LYN: variants seen among roughly 807,000 people sequenced by gnomAD.
LYN encodes LYN proto-oncogene, Src family tyrosine kinase.
A neutral mutation model predicts 65.0 loss-of-function variants in LYN; 12 were observed. The observed-to-expected ratio is 0.18, with a 90% CI of 0.12 to 0.30. The LOEUF is 0.30. Ranked by LOEUF, LYN falls within the 10% of genes least tolerant of loss-of-function variation. The pLI, the probability that LYN is intolerant of heterozygous loss-of-function variation, is 1.00. For missense variants in LYN, 380 were observed against 623.2 expected, an observed-to-expected ratio of 0.61 and a Z score of 4.16; for synonymous variants, 222 against 221.2, an observed-to-expected ratio of 1.00 and a Z score of -0.03.
In LYN at chr8:55,947,538, C is replaced by T. The variant is rs977194860; in HGVS notation, c.179-80C>T. 27 of 990,120 alleles carry T rather than the reference C, an allele frequency of 2.7e-5. No homozygotes were observed. In the East Asian group the frequency reaches 5.0e-4, roughly 18 times the overall value. The allele number at this position is 990,120 out of a possible 1,614,324, so 61.3% of individuals were successfully genotyped here. ...GTTGCCCCCTCTTAGTGCTTCCTCT[C>T]ATCCTTTGTGCCCCATGAGGTTTGT... On this transcript the variant is annotated intron_variant, in intron 3 of 12. Transcript: ENST00000519728.
Position 55,908,911 on chromosome 8 carries a change from ATAATTT to A in LYN, c.-6+28811_-6+28816del, listed in dbSNP as rs147377031. Among the ~76,000 whole-genome samples the A allele has an allele frequency of 6.4e-3, 968 of 150,866 alleles. 7 individuals are homozygous for A. Among genetic ancestry groups the A allele is most frequent in the Middle Eastern group, 0.024 (7 of 294 alleles). Reference sequence around the variant, plus strand: ...TTCCATCTATGTTGCTGCAAAATACATAATTTTATTCTTTTTTATGGCTGCAAAATA... The same window carrying A: ...TTCCATCTATGTTGCTGCAAAATACATATTCTTTTTTATGGCTGCAAAATA... On this transcript the variant is annotated intron_variant, in intron 1 of 12. Transcript: ENST00000519728.
At chr8:55,914,482 G>C (rs1316088169) in intron 1 of LYN, among the ~76,000 whole-genome samples, 3 of 152,076 alleles carry the variant, frequency 2.0e-5, no homozygotes, top group Admixed American at 1.3e-4. Flanking sequence ...AGCTCAGAGA[G>C]GCACTATGCA....
At chr8:55,982,326 G>T (rs908295978) in intron 10 of LYN, among the ~76,000 whole-genome samples, 1 of 151,808 alleles carries the variant, frequency 6.6e-6, no homozygotes, top group Non-Finnish European at 1.5e-5. Flanking sequence ...TTAATCCTCA[G>T]ATTTTTGAAT....
chr8:55,906,313 G>A (rs886075497), intron 1 of LYN, among the ~76,000 whole-genome samples: 12 of 151,650 alleles, frequency 7.9e-5, no homozygotes, highest in Non-Finnish European at 1.6e-4. Flanking sequence ...AGGATTGCTT[G>A]AGGCCAAGAA....
At chr8:56,009,003 T>A (rs1808746757) in intron 12 of LYN, among the ~76,000 whole-genome samples, 1 of 152,256 alleles carries the variant, frequency 6.6e-6, no homozygotes, top group African/African-American at 2.4e-5. Context: ...CCTAAGTTTT[T>A]AACTATTTGG....
intron 1 of LYN, among the ~76,000 whole-genome samples, chr8:55,935,779 CAAAAAAAAA>C (rs59848254): frequency 1.1e-5 from 1 of 93,876 alleles, no homozygotes; most frequent in East Asian, 3.8e-4. Flanking sequence ...AGACTCCATC[CAAAAAAAAA>C]AAAAAAAAAA....
At chr8:55,953,793 A>G (rs779616892) in intron 7 of LYN, 39 bp from the exon 8 acceptor site, 1 of 1,605,052 alleles carries the variant, frequency 6.2e-7, no homozygotes, top group South Asian at 1.1e-5. Flanking sequence ...AGTACAAAGT[A>G]TTGCATTTCT....
chr8:55,899,523 A>G (rs76429184), intron 1 of LYN, among the ~76,000 whole-genome samples: 5,964 of 152,346 alleles, frequency 0.039, 369 homozygotes, highest in African/African-American at 0.13. Context: ...TATAATGCAG[A>G]GAACATTTAT....
intron 7 of LYN, 50 bp downstream of exon 7, chr8:55,952,165 T>C: frequency 6.9e-7 from 1 of 1,451,604 alleles, no homozygotes; most frequent in Non-Finnish European, 9.3e-7. Flanking sequence ...TGTTATGATA[T>C]GTATAAGACG....
intron 9 of LYN, among the ~76,000 whole-genome samples, chr8:55,968,936 C>A (rs1174680537): frequency 1.4e-5 from 2 of 139,484 alleles, no homozygotes; most frequent in Non-Finnish European, 3.2e-5. Flanking sequence ...CAGCAGCACA[C>A]TCCTTCTTAG....
chr8:55,915,248 T>A (rs1250200717), intron 1 of LYN, among the ~76,000 whole-genome samples: 1 of 152,232 alleles, frequency 6.6e-6, no homozygotes, highest in Non-Finnish European at 1.5e-5. Context: ...CTTTGCCTGA[T>A]GTCTTGTGAA....
At chr8:55,898,871 C>G (rs1166199266) in intron 1 of LYN, among the ~76,000 whole-genome samples, 3 of 152,132 alleles carry the variant, frequency 2.0e-5, no homozygotes, top group African/African-American at 7.2e-5. Context: ...GCTCTGATGC[C>G]TGGAGTGCAG....
At chr8:55,988,480 A>G (rs1808147168) in intron 10 of LYN, among the ~76,000 whole-genome samples, 1 of 152,108 alleles carries the variant, frequency 6.6e-6, no homozygotes, top group South Asian at 2.1e-4. Context: ...ACTTATTAAT[A>G]TTGTTATTTT....
chr8:56,010,525 G>A lies in LYN; in HGVS notation c.*415G>A, dbSNP rs1029110737. The A allele has an allele frequency of 1.3e-4, 32 of 250,878 alleles. No individual in the cohort carries two copies. In the Admixed American group the frequency reaches 1.5e-3, roughly 12 times the overall value. The allele number at this position is 250,878 out of a possible 1,614,324, so 15.5% of individuals were successfully genotyped here. Reference sequence around the variant, plus strand: ...ACTCATTTATAAAGCTAAAATAACCGGATATATACATAGCATGACATTTCT... The same window carrying A: ...ACTCATTTATAAAGCTAAAATAACCAGATATATACATAGCATGACATTTCT... On this transcript the variant is annotated 3_prime_UTR_variant, in exon 13 of 13. Transcript: ENST00000519728.
At chr8:55,937,829 G>A (rs1311942752) in intron 1 of LYN, among the ~76,000 whole-genome samples, 1 of 152,120 alleles carries the variant, frequency 6.6e-6, no homozygotes, top group Non-Finnish European at 1.5e-5. Flanking sequence ...CTGAGAAGCT[G>A]GGACTACAGA....
At chr8:55,975,517 A>C (rs1585656980) in intron 10 of LYN, among the ~76,000 whole-genome samples, 1 of 152,242 alleles carries the variant, frequency 6.6e-6, no homozygotes, top group Non-Finnish European at 1.5e-5. Context: ...TTCTGAGGCT[A>C]TGCAGATGAC....
Position 55,894,946 on chromosome 8 carries a change from G to A in LYN, c.-6+14843G>A, listed in dbSNP as rs530091490. Among the ~76,000 whole-genome samples the A allele has an allele frequency of 6.0e-4, 91 of 152,186 alleles. 1 individual carries two copies. The highest frequency in any genetic ancestry group is 2.1e-3 in the African/African-American group (89 of 41,510). ...CATCCATGTGCTTCAGCCTCCCAAAGTGCTGGGATTACAGGTGTGAGCCAC... is the reference window on the plus strand; with the variant it reads ...CATCCATGTGCTTCAGCCTCCCAAAATGCTGGGATTACAGGTGTGAGCCAC... On this transcript the variant is annotated intron_variant, in intron 1 of 12. Coordinates refer to ENST00000519728, the MANE Select transcript of LYN (RefSeq NM_002350.4).
At chr8:55,962,310 T>TA (rs1335982936) in intron 8 of LYN, among the ~76,000 whole-genome samples, 2 of 152,200 alleles carry the variant, frequency 1.3e-5, no homozygotes, top group African/African-American at 4.8e-5. Flanking sequence ...TGGGTGTGGC[T>TA]ATTGTTTATT....
intron 1 of LYN, among the ~76,000 whole-genome samples, chr8:55,912,408 T>C (rs1019536401): frequency 1.3e-5 from 2 of 152,204 alleles, no homozygotes; most frequent in African/African-American, 2.4e-5. Flanking sequence ...TGCGCTTAAG[T>C]AGTTTTTGAA....
Sources: allele counts gnomAD v4.1 joint callset (sites outside exome capture counted in the v4.1 genomes callset), GRCh38; gene constraint gnomAD v4.1.1; transcripts MANE v1.5; gene names NCBI Gene and HGNC (gene_info 2026-07-23, HGNC 2026-07-21).